Variants in DPYD observed in about 807,000 individuals in gnomAD.
The protein encoded by DPYD is dihydropyrimidine dehydrogenase [NADP(+)].
In DPYD, 109 loss-of-function variants were observed where a neutral mutation model predicts 116.2. The ratio of observed to expected loss-of-function variants is 0.94; its 90% confidence interval spans 0.80 to 1.10. DPYD has a LOEUF of 1.10. DPYD is among the 50% of genes least tolerant of loss of function. The pLI, the probability that DPYD is intolerant of heterozygous loss-of-function variation, is 0.00. For synonymous variants in DPYD, 440 were observed against 432.0 expected, an observed-to-expected ratio of 1.02 and a Z score of -0.23; for missense variants, 1,302 against 1,254.5, an observed-to-expected ratio of 1.04 and a Z score of -0.57.
intron 20 of DPYD, among the ~76,000 whole-genome samples, chr1:97,154,280 C>T (rs1198500092): frequency 4.6e-5 from 7 of 152,086 alleles, no homozygotes; most frequent in Admixed American, 1.3e-4. Flanking sequence ...ATAAAGAAAA[C>T]GTGGTAAATA....
intron 13 of DPYD, among the ~76,000 whole-genome samples, chr1:97,508,982 C>T (rs546417964): frequency 2.6e-5 from 4 of 151,958 alleles, no homozygotes; most frequent in South Asian, 4.2e-4. Flanking sequence ...TAAGACCATA[C>T]GGAGATACAG....
At chr1:97,397,734 G>T (rs1388776061) in intron 14 of DPYD, among the ~76,000 whole-genome samples, 1 of 151,988 alleles carries the variant, frequency 6.6e-6, no homozygotes, top group East Asian at 1.9e-4. Flanking sequence ...ATCACTGTCT[G>T]TATGTACCAA....
intron 7 of DPYD, among the ~76,000 whole-genome samples, chr1:97,683,811 C>T (rs1335571522): frequency 6.6e-6 from 1 of 151,814 alleles, no homozygotes; most frequent in Non-Finnish European, 1.5e-5. Flanking sequence ...AATTATATCA[C>T]AAGAATACAG....
At chr1:97,130,721 TCTTTCTTTCTTC>T (rs984421976) in intron 20 of DPYD, among the ~76,000 whole-genome samples, 2 of 123,728 alleles carry the variant, frequency 1.6e-5, no homozygotes, top group African/African-American at 5.7e-5. Flanking sequence ...CCTCTCTCTT[TCTTTCTTTCTTC>T]CTTTCTTTCT....
At chr1:97,090,316 T>C (rs1649814625) in intron 21 of DPYD, among the ~76,000 whole-genome samples, 1 of 152,184 alleles carries the variant, frequency 6.6e-6, no homozygotes, top group Non-Finnish European at 1.5e-5. Context: ...GGTTTAGAGC[T>C]ACCCTTTGGA....
At chr1:97,658,582 TTAAA>T (rs1440855712) in intron 8 of DPYD, among the ~76,000 whole-genome samples, 1 of 152,082 alleles carries the variant, frequency 6.6e-6, no homozygotes, top group Non-Finnish European at 1.5e-5. Flanking sequence ...GAATTTAGAC[TTAAA>T]TAATAATTAA....
rs1158843625 is a variant in DPYD at position 97,549,605 on chromosome 1, C to T, written c.1479G>A (p.Val493=). 6.2e-7 allele frequency: 1 copy of T among 1,613,822 alleles called. No homozygotes were observed. The highest frequency in any genetic ancestry group is 8.5e-7 in the Non-Finnish European group (1 of 1,179,842). ...ACCAAGAAGCTTGCTTTCCATCATT[C>T]ACCGATTCCACTGTAGTGTTAGCCA... The part of the protein sequence containing the change: ...VGLANTTVES[V]NDGKQASWYI... The change falls in exon 12 of 23, where the codon GTG becomes GTA. Residue 493 remains valine (V), a synonymous_variant. Coordinates refer to ENST00000370192, the MANE Select transcript of DPYD (RefSeq NM_000110.4).
chr1:97,343,141 T>C (rs183044039), intron 16 of DPYD, among the ~76,000 whole-genome samples: 315 of 151,208 alleles, frequency 2.1e-3, no homozygotes, highest in African/African-American at 7.2e-3. Flanking sequence ...CTATCTTCTA[T>C]GAACTGAGAA....
intron 13 of DPYD, among the ~76,000 whole-genome samples, chr1:97,484,380 C>CT (rs1321065712): frequency 6.6e-6 from 1 of 152,124 alleles, no homozygotes; most frequent in Non-Finnish European, 1.5e-5. Flanking sequence ...TCCAGTGTTG[C>CT]TTTTTTGGGT....
chr1:97,844,135 G>A (rs563082089), intron 2 of DPYD, among the ~76,000 whole-genome samples: 22 of 152,246 alleles, frequency 1.4e-4, no homozygotes, highest in African/African-American at 4.6e-4. Context: ...TGATAATAAG[G>A]TACATAATGG....
At chr1:97,918,126 T>C (rs1044582311) in intron 1 of DPYD, among the ~76,000 whole-genome samples, 2 of 152,196 alleles carry the variant, frequency 1.3e-5, no homozygotes, top group African/African-American at 4.8e-5. Flanking sequence ...ATAACTACTA[T>C]TAACGGACTT....
At chr1:97,198,901 G>C (rs1659007286) in intron 19 of DPYD, among the ~76,000 whole-genome samples, 2 of 152,112 alleles carry the variant, frequency 1.3e-5, no homozygotes, top group Non-Finnish European at 2.9e-5. Context: ...GAGCAGAGTA[G>C]GTGGTGGCCC....
intron 18 of DPYD, among the ~76,000 whole-genome samples, chr1:97,264,163 T>C (rs969244995): frequency 4.8e-5 from 1 of 20,894 alleles, no homozygotes; most frequent in Admixed American, 4.2e-4. Flanking sequence ...CAAAATTCTG[T>C]TTTTTTTTTT....
At chr1:97,881,687 G>T (rs575410279) in intron 2 of DPYD, among the ~76,000 whole-genome samples, 1 of 151,908 alleles carries the variant, frequency 6.6e-6, no homozygotes, top group Non-Finnish European at 1.5e-5. Flanking sequence ...TCTCCATTTC[G>T]AAATAAAGTC....
chr1:97,481,003 T>A (rs898916152), intron 13 of DPYD, among the ~76,000 whole-genome samples: 1 of 151,724 alleles, frequency 6.6e-6, no homozygotes, highest in Non-Finnish European at 1.5e-5. Context: ...AGAAAAAAAA[T>A]TATAAAAAGC....
chr1:97,307,590 C>A lies in DPYD; in HGVS notation c.2059-1293G>T, dbSNP rs529966906. On this transcript the variant is annotated intron_variant, in intron 16 of 22. Transcript: ENST00000370192. ...CATCTCTATTAAGCAAAACTTAATACTTTTAAAAAGAAGTCTTTGGCTTGG... is the reference window on the plus strand; with the variant it reads ...CATCTCTATTAAGCAAAACTTAATAATTTTAAAAAGAAGTCTTTGGCTTGG... Among the ~76,000 whole-genome samples the A allele has an allele frequency of 8.6e-5, 13 of 151,896 alleles. No individual in the cohort carries two copies. The East Asian group carries it at 2.1e-3, about 25-fold the overall frequency.
At chr1:97,549,787 AG>A in intron 11 of DPYD, 43 bp from the exon 12 acceptor site, 1 of 1,512,838 alleles carries the variant, frequency 6.6e-7, no homozygotes, top group Non-Finnish European at 9.1e-7. Context: ...ACTAGTCAAC[AG>A]ACAATTCCAT....
At chr1:97,898,498 A>G (rs1373281742) in intron 1 of DPYD, among the ~76,000 whole-genome samples, 1 of 151,938 alleles carries the variant, frequency 6.6e-6, no homozygotes. Context: ...TCATTTGTTT[A>G]TGTTTCTCAG....
At chr1:97,529,665 C>A (rs1649422165) in intron 12 of DPYD, among the ~76,000 whole-genome samples, 1 of 149,762 alleles carries the variant, frequency 6.7e-6, no homozygotes, top group South Asian at 2.1e-4. Flanking sequence ...TCCTTTTTTT[C>A]TTTTCTCTTT....
Sources: gnomAD v4.1 joint callset for allele counts (sites outside exome capture counted in the v4.1 genomes callset) on GRCh38, gnomAD v4.1.1 for gene constraint, MANE v1.5 for transcripts, NCBI Gene and HGNC (gene_info 2026-07-23, HGNC 2026-07-21) for gene names.